The following RCHY1 variants were observed in gnomAD, a reference collection of about 807,000 sequenced individuals.
RCHY1 encodes ring finger and CHY zinc finger domain containing 1, also known as RING finger and CHY zinc finger domain-containing protein 1.
In RCHY1, 21 loss-of-function variants were observed where a neutral mutation model predicts 41.6. That is an observed-to-expected ratio of 0.51 (90% CI 0.36 to 0.73). The LOEUF (loss-of-function observed/expected upper bound fraction) is 0.73, where lower values mean the gene tolerates loss of function less well. RCHY1 is among the 30% of genes least tolerant of loss of function. The pLI, the probability that RCHY1 is intolerant of heterozygous loss-of-function variation, is 0.00. For missense variants in RCHY1, 265 were observed against 325.3 expected, an observed-to-expected ratio of 0.81 and a Z score of 1.43; for synonymous variants, 79 against 102.9, an observed-to-expected ratio of 0.77 and a Z score of 1.41.
At chr4:75,489,267 G>C (rs995826703) in intron 8 of RCHY1, among the ~76,000 whole-genome samples, 1 of 152,148 alleles carries the variant, frequency 6.6e-6, no homozygotes, top group South Asian at 2.1e-4. Context: ...TCTGCTACCT[G>C]ATGGGCCATT....
At chr4:75,488,066 A>C (rs1441334552) in intron 8 of RCHY1, among the ~76,000 whole-genome samples, 1 of 151,084 alleles carries the variant, frequency 6.6e-6, no homozygotes, top group African/African-American at 2.4e-5. Flanking sequence ...AAGAGAAAAA[A>C]ATGATTATTT....
intron 7 of RCHY1, 116 bp downstream of exon 7, chr4:75,491,495 T>C: frequency 5.8e-6 from 5 of 867,466 alleles, no homozygotes; most frequent in Non-Finnish European, 9.0e-6. Context: ...CCCATTTCAA[T>C]ATAAATATTG....
intron 8 of RCHY1, among the ~76,000 whole-genome samples, chr4:75,488,199 T>C (rs2148720065): frequency 6.6e-6 from 1 of 152,146 alleles, no homozygotes; most frequent in East Asian, 1.9e-4. Context: ...TGTCGGGGTA[T>C]ATGCTATCAG....
chr4:75,506,883 G>A (rs781715374), intron 3 of RCHY1, among the ~76,000 whole-genome samples: 7 of 152,038 alleles, frequency 4.6e-5, no homozygotes, highest in Non-Finnish European at 8.8e-5. Context: ...AAAAAACAGC[G>A]AGAGGAGGAT....
intron 3 of RCHY1, among the ~76,000 whole-genome samples, chr4:75,507,317 T>C (rs1724416371): frequency 6.6e-6 from 1 of 152,058 alleles, no homozygotes; most frequent in South Asian, 2.1e-4. Context: ...ATGATGTATG[T>C]TATAATTTCT....
rs139278088 is a variant in RCHY1 at position 75,491,852 on chromosome 4, G to A, written c.450+37C>T. On this transcript the variant is annotated intron_variant, in intron 5 of 8. Coordinates refer to ENST00000324439, the MANE Select transcript of RCHY1 (RefSeq NM_015436.4). ...ACATCCAAGTATTTTAAATTCAAGA[G>A]CTGAGACTTCCAAAGTAAAAAATAT... 170 of 1,603,098 alleles carry A rather than the reference G, an allele frequency of 1.1e-4. No homozygotes were observed. The African/African-American group carries it at 2.1e-3, about 20-fold the overall frequency.
At chr4:75,490,040 T>C (rs1722607306) in intron 8 of RCHY1, among the ~76,000 whole-genome samples, 2 of 152,162 alleles carry the variant, frequency 1.3e-5, no homozygotes, top group South Asian at 4.1e-4. Context: ...AAGACTTCTC[T>C]GTAATTATGA....
chr4:75,479,184 T>C lies in RCHY1; in HGVS notation c.*3354A>G, dbSNP rs958433530. 6 of 152,130 alleles carry C rather than the reference T, an allele frequency of 3.9e-5. No individual in the cohort carries two copies. Among genetic ancestry groups the C allele is most frequent in the African/African-American group, 7.2e-5 (3 of 41,436 alleles). 9.4% of individuals were successfully genotyped at this position (152,130 alleles called of 1,614,324 possible). On this transcript the variant is annotated 3_prime_UTR_variant, in exon 9 of 9. Coordinates refer to ENST00000324439, the MANE Select transcript of RCHY1 (RefSeq NM_015436.4). ...GGTATGAGGCAATAAATTTATTACA[T>C]TGATTTAATCATTCTACACTGTAAA...
intron 3 of RCHY1, among the ~76,000 whole-genome samples, chr4:75,497,907 A>G (rs1377915921): frequency 4.0e-5 from 6 of 151,770 alleles, no homozygotes; most frequent in Admixed American, 3.9e-4. Flanking sequence ...CTATTTTGAA[A>G]GAAAGAAAAG....
chr4:75,486,037 T>C (rs1039574429), intron 8 of RCHY1, among the ~76,000 whole-genome samples: 3 of 152,172 alleles, frequency 2.0e-5, no homozygotes, highest in African/African-American at 7.2e-5. Flanking sequence ...GACCTGTAGC[T>C]ACAAAGCAGA....
At position 75,509,307 on chromosome 4, in the gene RCHY1, C is replaced by G. The variant is rs1421636112; in HGVS notation, c.91-11G>C. The G allele has an allele frequency of 1.2e-6, 2 of 1,602,480 alleles. No individual in the cohort carries two copies. On this transcript the variant is annotated splice_polypyrimidine_tract_variant and intron_variant, in intron 1 of 8. Coordinates refer to ENST00000324439, the MANE Select transcript of RCHY1 (RefSeq NM_015436.4). ...GTCACAGCAAGGTGCCTAACACCCACGGAGAAAAAAGAGATATAGTAAGAA... is the reference window on the plus strand; with the variant it reads ...GTCACAGCAAGGTGCCTAACACCCAGGGAGAAAAAAGAGATATAGTAAGAA...
At chr4:75,489,087 A>C (rs572746649) in intron 8 of RCHY1, among the ~76,000 whole-genome samples, 45 of 152,234 alleles carry the variant, frequency 3.0e-4, no homozygotes, top group South Asian at 1.0e-3. Flanking sequence ...AACAAACAAA[A>C]AAAAAAAGTC....
intron 3 of RCHY1, among the ~76,000 whole-genome samples, chr4:75,497,298 T>C (rs1176930466): frequency 6.6e-6 from 1 of 152,198 alleles, no homozygotes; most frequent in African/African-American, 2.4e-5. Context: ...CTGTACATAG[T>C]TAACTGTAAC....
At chr4:75,498,278 A>T (rs1723410661) in intron 3 of RCHY1, among the ~76,000 whole-genome samples, 1 of 151,954 alleles carries the variant, frequency 6.6e-6, no homozygotes, top group Admixed American at 6.6e-5. Flanking sequence ...TGAACCACAA[A>T]AAAACCTCAA....
At chr4:75,503,728 T>C (rs992888161) in intron 3 of RCHY1, among the ~76,000 whole-genome samples, 14 of 152,054 alleles carry the variant, frequency 9.2e-5, no homozygotes, top group African/African-American at 3.4e-4. Flanking sequence ...GAAAATATGG[T>C]ATCCTCACTT....
chr4:75,509,214 T>C lies in RCHY1; in HGVS notation c.173A>G (p.Lys58Arg). The stretch of plus-strand genomic sequence containing the variant: ...TTCACAGTTTATGCACTGCACTTCC[T>C]TCACTTTAAAGCGATCTAGTTGATG... Reference protein sequence around the residue: ...EDHQLDRFKVKEVQCINCEKI... With the variant: ...EDHQLDRFKVREVQCINCEKI... The change falls in exon 2 of 9, where the codon AAG becomes AGG. Residue 58 changes from lysine (K) to arginine (R), a missense_variant. Lys to Arg is a conservative substitution (Grantham distance 26). Transcript: ENST00000324439. 1 of 1,613,210 alleles carries C rather than the reference T, an allele frequency of 6.2e-7. No individual in the cohort carries two copies.
chr4:75,514,629 C>T (rs1560537384), upstream of RCHY1: 1 of 224,718 alleles, frequency 4.5e-6, no homozygotes, highest in Non-Finnish European at 8.9e-6. Flanking sequence ...TGGTTGGCCC[C>T]AGAGGAAAGG....
chr4:75,511,674 C>T (rs2903701), intron 1 of RCHY1, among the ~76,000 whole-genome samples: 38,292 of 151,856 alleles, frequency 0.25, 5,108 homozygotes, highest in African/African-American at 0.33. Flanking sequence ...ACTGCTTTAT[C>T]AACATTTTTA....
chr4:75,506,018 G>A (rs1724263440), intron 3 of RCHY1, among the ~76,000 whole-genome samples: 2 of 146,890 alleles, frequency 1.4e-5, no homozygotes, highest in African/African-American at 2.5e-5. Flanking sequence ...ATTCCACCAC[G>A]AAAGAGATGG....
Sources: allele counts gnomAD v4.1 joint callset (sites outside exome capture counted in the v4.1 genomes callset), GRCh38; gene constraint gnomAD v4.1.1; transcripts MANE v1.5; gene names NCBI Gene and HGNC (gene_info 2026-07-23, HGNC 2026-07-21).